The following SRGAP1 variants were observed in gnomAD, a reference collection of about 807,000 sequenced individuals.
SRGAP1 encodes SLIT-ROBO Rho GTPase-activating protein 1.
A neutral mutation model predicts 121.9 loss-of-function variants in SRGAP1; 43 were observed. The ratio of observed to expected loss-of-function variants is 0.35; its 90% CI spans 0.28 to 0.46. SRGAP1 has a LOEUF of 0.46. Among genes scored for constraint, SRGAP1 ranks in the 20% least tolerant of loss-of-function variants. The pLI, the probability that SRGAP1 is intolerant of heterozygous loss-of-function variation, is 1.00. For synonymous variants in SRGAP1, 447 were observed against 485.4 expected (o/e 0.92, Z 1.04); for missense variants, 1,102 against 1,350.9 (o/e 0.82, Z 2.89).
chr12:64,143,780 T>TAA lies in SRGAP1; in HGVS notation c.*1121_*1122dup, dbSNP rs766859474. 1.1e-4 allele frequency: 16 copies of TAA among 144,702 alleles called. No individual in the cohort carries two copies. The highest frequency in any genetic ancestry group is 1.8e-4 in the Non-Finnish European group (12 of 65,610). The allele number at this position is 144,702 out of a possible 1,614,324, so 9.0% of individuals were successfully genotyped here. On this transcript the variant is annotated 3_prime_UTR_variant, in exon 22 of 22. Transcript: ENST00000355086. Reference sequence around the variant, plus strand: ...CAGCATAGTGTGAGACCCTGTCTCTTAAAAAAAAAAAAAATGCTACAAAGT... The same window carrying TAA: ...CAGCATAGTGTGAGACCCTGTCTCTTAAAAAAAAAAAAAAAATGCTACAAAGT...
chr12:63,972,854 G>A (rs1187344340), intron 1 of SRGAP1, among the ~76,000 whole-genome samples: 1 of 152,080 alleles, frequency 6.6e-6, no homozygotes, highest in African/African-American at 2.4e-5. Flanking sequence ...TTGGCTTTAA[G>A]TAAATGATAG....
At chr12:63,912,473 G>A (rs1380965310) in intron 1 of SRGAP1, among the ~76,000 whole-genome samples, 1 of 152,090 alleles carries the variant, frequency 6.6e-6, no homozygotes, top group African/African-American at 2.4e-5. Flanking sequence ...AATTACCCAG[G>A]CGTGGTGGCA....
chr12:64,078,787 C>A (rs1490342560), intron 8 of SRGAP1, 132 bp from the exon 9 acceptor site: 5 of 814,274 alleles, frequency 6.1e-6, no homozygotes, highest in African/African-American at 3.5e-5. Context: ...ACCTTTGTTT[C>A]TCTCCTAATA....
rs768378810 is a variant in SRGAP1 at position 64,111,742 on chromosome 12, T to A, written c.1920-20T>A. ...TTTCTCTTTGTTCTTTTATAACTCCTTTCTTGTTTCCTTTTGTAGTCTATC... is the reference window on the plus strand; with the variant it reads ...TTTCTCTTTGTTCTTTTATAACTCCATTCTTGTTTCCTTTTGTAGTCTATC... On this transcript the variant is annotated intron_variant, in intron 16 of 21. Coordinates refer to ENST00000355086, the MANE Select transcript of SRGAP1 (RefSeq NM_020762.4). The A allele has an allele frequency of 3.8e-6, 6 of 1,563,366 alleles. No homozygotes were observed. In the South Asian group the frequency reaches 5.9e-5, roughly 15 times the overall value.
intron 4 of SRGAP1, among the ~76,000 whole-genome samples, chr12:64,018,636 A>G (rs1204765101): frequency 6.6e-6 from 1 of 152,228 alleles, no homozygotes; most frequent in Non-Finnish European, 1.5e-5. Context: ...AAGCACATTT[A>G]CTGCATCTGT....
At chr12:64,034,502 T>C (rs954203851) in intron 4 of SRGAP1, among the ~76,000 whole-genome samples, 2 of 152,214 alleles carry the variant, frequency 1.3e-5, no homozygotes. Flanking sequence ...TTCTTCCTTT[T>C]ACCTCTATTA....
At chr12:64,113,936 C>G (rs2036474316) in intron 17 of SRGAP1, among the ~76,000 whole-genome samples, 1 of 152,104 alleles carries the variant, frequency 6.6e-6, no homozygotes, top group Non-Finnish European at 1.5e-5. Context: ...TATTCTGGAC[C>G]CTGCTCACAA....
intron 1 of SRGAP1, among the ~76,000 whole-genome samples, chr12:63,979,902 A>G (rs1313228560): frequency 6.6e-6 from 1 of 152,174 alleles, no homozygotes; most frequent in African/African-American, 2.4e-5. Flanking sequence ...GTTTTTCTCA[A>G]ACTCACCCCT....
At chr12:63,854,179 C>A (rs539569547) in intron 1 of SRGAP1, among the ~76,000 whole-genome samples, 1 of 152,292 alleles carries the variant, frequency 6.6e-6, no homozygotes, top group South Asian at 2.1e-4. Context: ...CCTAGCAAAT[C>A]TCCCTTCATT....
chr12:64,080,243 C>CA (rs59896917), intron 9 of SRGAP1, 43 bp from the exon 10 acceptor site: 60,456 of 1,191,636 alleles, frequency 0.051, 9 homozygotes, highest in Non-Finnish European at 0.056. Context: ...AACTCTGTCT[C>CA]AAAAAAAAAA....
intron 10 of SRGAP1, among the ~76,000 whole-genome samples, chr12:64,082,941 C>T (rs919944843): frequency 2.0e-5 from 3 of 152,230 alleles, no homozygotes; most frequent in East Asian, 1.9e-4. Context: ...TAGCCCTGCC[C>T]CTTTTGCAGG....
Position 64,079,066 on chromosome 12 carries a change from A to G in SRGAP1, c.1273A>G (p.Ile425Val). The G allele has an allele frequency of 2.5e-6, 4 of 1,614,136 alleles. No homozygotes were observed. Among genetic ancestry groups the G allele is most frequent in the Non-Finnish European group, 3.4e-6 (4 of 1,179,996 alleles). ...TGAAACCTACCTGAGTAAACCCAGC[A>G]TCGCCAAGAGAAGAGCCAACCAGCA... ...VSETYLSKPS[I>V]AKRRANQQET... The change falls in exon 9 of 22, where the codon ATC becomes GTC. Residue 425 changes from isoleucine (I) to valine (V), a missense_variant. Transcript: ENST00000355086.
intron 1 of SRGAP1, among the ~76,000 whole-genome samples, chr12:63,906,929 G>A (rs1362980872): frequency 2.0e-5 from 3 of 150,914 alleles, no homozygotes; most frequent in African/African-American, 7.3e-5. Flanking sequence ...AGGCTAGAGT[G>A]CAGTGGTGTG....
Position 63,952,397 on chromosome 12 carries a change from T to C in SRGAP1, c.68-31550T>C, listed in dbSNP as rs369086825. Among the ~76,000 whole-genome samples the C allele has an allele frequency of 4.6e-5, 7 of 152,206 alleles. No individual in the cohort carries two copies. In the South Asian group the frequency reaches 1.0e-3, roughly 23 times the overall value. ...CAGATATGGTGGTATGCACCTACAG[T>C]CTTAGCTACTGGAGAGGCTGAGGTG... On this transcript the variant is annotated intron_variant, in intron 1 of 21. Coordinates refer to ENST00000355086, the MANE Select transcript of SRGAP1 (RefSeq NM_020762.4).
chr12:63,891,758 G>A (rs1341488379), intron 1 of SRGAP1, among the ~76,000 whole-genome samples: 2 of 152,104 alleles, frequency 1.3e-5, no homozygotes, highest in African/African-American at 4.8e-5. Context: ...AGACCGAGGT[G>A]GGAGGATCAC....
At chr12:64,011,206 T>A (rs977749198) in intron 3 of SRGAP1, among the ~76,000 whole-genome samples, 1 of 152,014 alleles carries the variant, frequency 6.6e-6, no homozygotes, top group African/African-American at 2.4e-5. Flanking sequence ...AAAATTGAAC[T>A]CTATCCTAAA....
intron 3 of SRGAP1, among the ~76,000 whole-genome samples, chr12:64,010,890 A>G (rs939120635): frequency 6.6e-6 from 1 of 151,526 alleles, no homozygotes; most frequent in Admixed American, 6.6e-5. Flanking sequence ...CTTAGCCAGT[A>G]TACTAGATGG....
intron 1 of SRGAP1, among the ~76,000 whole-genome samples, chr12:63,959,548 T>C (rs1592983204): frequency 6.6e-6 from 1 of 152,306 alleles, no homozygotes; most frequent in East Asian, 1.9e-4. Flanking sequence ...GCTGATAACG[T>C]TTCTTTCCAG....
chr12:63,931,391 GAA>G (rs903754768), intron 1 of SRGAP1, among the ~76,000 whole-genome samples: 1 of 152,134 alleles, frequency 6.6e-6, no homozygotes, highest in Non-Finnish European at 1.5e-5. Flanking sequence ...CATTTCACTG[GAA>G]AAAATTTTAT....
Sources: gnomAD v4.1 joint callset for allele counts (sites outside exome capture counted in the v4.1 genomes callset) on GRCh38, gnomAD v4.1.1 for gene constraint, MANE v1.5 for transcripts, NCBI Gene and HGNC (gene_info 2026-07-23, HGNC 2026-07-21) for gene names.